The following DAB2IP variants were observed in gnomAD, a reference collection of about 807,000 sequenced individuals.
DAB2IP encodes DAB2 interacting protein.
In DAB2IP, 28 loss-of-function variants were observed where a neutral mutation model predicts 107.2. That is an observed-to-expected ratio of 0.26 (90% CI 0.19 to 0.36). The LOEUF is 0.36. DAB2IP is among the 10% of genes least tolerant of loss of function. The pLI is 1.00. For missense variants in DAB2IP, 1,400 were observed against 1,644.7 expected, an observed-to-expected ratio of 0.85 and a Z score of 2.57; for synonymous variants, 755 against 706.4, an observed-to-expected ratio of 1.07 and a Z score of -1.09.
chr9:121,742,910 C>A lies in DAB2IP; in HGVS notation c.363-14103C>A, dbSNP rs570649103. The A allele has an allele frequency of 6.7e-5, 66 of 985,500 alleles. No homozygotes were observed. The African/African-American group carries it at 7.8e-4, about 12-fold the overall frequency. The allele number at this position is 985,500 out of a possible 1,614,324, so 61.0% of individuals were successfully genotyped here. A position where few individuals can be genotyped will look rare whatever the true frequency, so the allele number is the denominator to read the frequency against. On this transcript the variant is annotated intron_variant, in intron 3 of 15. Coordinates refer to ENST00000408936, the Ensembl canonical transcript of DAB2IP. Reference sequence around the variant, plus strand: ...TCAAACTGAAAGCCTGGTGGTGGGGCACCTGTGACAGGTGAGACTCCTCAT... The same window carrying A: ...TCAAACTGAAAGCCTGGTGGTGGGGAACCTGTGACAGGTGAGACTCCTCAT...
At chr9:121,655,008 A>G (rs532943526) in intron 1 of DAB2IP, among the ~76,000 whole-genome samples, 47 of 152,168 alleles carry the variant, frequency 3.1e-4, no homozygotes, top group Non-Finnish European at 5.7e-4. Context: ...AGTGAGGGAC[A>G]GTATCTGCAG....
chr9:121,713,577 G>A (rs1196589956), intron 3 of DAB2IP, among the ~76,000 whole-genome samples: 1 of 152,212 alleles, frequency 6.6e-6, no homozygotes, highest in South Asian at 2.1e-4. Flanking sequence ...ACTTTGGCCA[G>A]TAGTGGTGGT....
At position 121,684,950 on chromosome 9, in the gene DAB2IP, C is replaced by T. The variant is rs913716676; in HGVS notation, c.228+6169C>T. 5.3e-5 allele frequency among the ~76,000 whole-genome samples: 8 copies of T among 152,314 alleles called. No individual in the cohort carries two copies. The highest frequency in any genetic ancestry group is 3.4e-3 in the Middle Eastern group (1 of 294). On this transcript the variant is annotated intron_variant, in intron 2 of 15. Coordinates refer to ENST00000408936, the Ensembl canonical transcript of DAB2IP. The surrounding 1 kb of genome is among the most constrained non-coding windows in gnomAD (Gnocchi z 4.0). ...TCAACCAGTGGAGGGATGTCAGCCA[C>T]GTGGTCCTGGCTGTAACAGGGCGGT... is the stretch of plus-strand genomic sequence containing the variant.
At chr9:121,761,584 T>A (rs1469973010) in intron 6 of DAB2IP, among the ~76,000 whole-genome samples, 1 of 152,112 alleles carries the variant, frequency 6.6e-6, no homozygotes, top group Non-Finnish European at 1.5e-5. Context: ...GCAGCCCCCC[T>A]CCCTCTTGCA....
chr9:121,619,282 G>T (rs4240469), intron 1 of DAB2IP, among the ~76,000 whole-genome samples: 63,601 of 152,010 alleles, frequency 0.42, 14,717 homozygotes, highest in East Asian at 0.95. Flanking sequence ...GAGTAGCTGG[G>T]ACTGCAGGTA....
At chr9:121,611,038 C>T (rs1831074515) in intron 1 of DAB2IP, among the ~76,000 whole-genome samples, 1 of 152,102 alleles carries the variant, frequency 6.6e-6, no homozygotes, top group Admixed American at 6.6e-5. Context: ...GTGAGTGGTG[C>T]AATCTTGGCT....
At chr9:121,678,866 C>A (rs896823424) in intron 2 of DAB2IP, 85 bp downstream of exon 2, 1 of 1,275,846 alleles carries the variant, frequency 7.8e-7, no homozygotes, top group Non-Finnish European at 1.0e-6. Context: ...CCCACGGCCC[C>A]CCTTCCTGGA....
Position 121,782,429 on chromosome 9 carries a change from C to T in DAB2IP, c.3501C>T (p.Ile1167=). 6.2e-7 allele frequency: 1 copy of T among 1,614,156 alleles called. No individual in the cohort carries two copies. Among genetic ancestry groups the T allele is most frequent in the African/African-American group, 1.3e-5 (1 of 75,060 alleles). Residue 1167 remains isoleucine (I), a synonymous_variant, in exon 16 of 16, where the codon ATC becomes ATT. Coordinates refer to ENST00000408936, the Ensembl canonical transcript of DAB2IP. This position sits in a 1 kb window ranked among gnomAD's most constrained non-coding sequence, Gnocchi z 6.1. Reference sequence around the variant, plus strand: ...ACAGCATGCAAGCCCGTAACGGCATCTCCCCCACCAACCCCACCAAATTGC... The same window carrying T: ...ACAGCATGCAAGCCCGTAACGGCATTTCCCCCACCAACCCCACCAAATTGC...
In DAB2IP at chr9:121,698,691, C is replaced by T. The variant is rs1829557861; in HGVS notation, c.229-634C>T. ...ACTGCCGCTCTGGGAAGGAAAGTCG[C>T]CCGGAATCGGGGTCTAAGTGGCCAG... On this transcript the variant is annotated intron_variant, in intron 2 of 15. Coordinates refer to ENST00000408936, the Ensembl canonical transcript of DAB2IP. The surrounding 1 kb of genome is among the most constrained non-coding windows in gnomAD (Gnocchi z 4.1). Among the ~76,000 whole-genome samples, 1 of 152,208 alleles carries T rather than the reference C, an allele frequency of 6.6e-6. No homozygotes were observed. The highest frequency in any genetic ancestry group is 6.5e-5 in the Admixed American group (1 of 15,284).
At chr9:121,770,775 C>T in intron 11 of DAB2IP, 51 bp downstream of exon 11, 1 of 1,591,528 alleles carries the variant, frequency 6.3e-7, no homozygotes, top group Non-Finnish European at 8.6e-7. Context: ...GCAGACTAGG[C>T]ACAGCCCATC....
At chr9:121,641,967 TCTC>T (rs1832328581) in intron 1 of DAB2IP, among the ~76,000 whole-genome samples, 5 of 135,834 alleles carry the variant, frequency 3.7e-5, no homozygotes, top group Non-Finnish European at 7.9e-5. Context: ...TCTTTCTCTC[TCTC>T]TCTTTCTTTC....
exon 4 of DAB2IP, chr9:121,757,036 A>C (rs1833548247): frequency 1.2e-6 from 2 of 1,614,152 alleles, no homozygotes; most frequent in Non-Finnish European, 8.5e-7. Flanking sequence ...CCGAGGCTGA[A>C]GGAGTCTCGC....
At chr9:121,592,384 A>G (rs1830436299) in intron 1 of DAB2IP, among the ~76,000 whole-genome samples, 1 of 152,120 alleles carries the variant, frequency 6.6e-6, no homozygotes, top group South Asian at 2.1e-4. Context: ...AAAAGAAAAA[A>G]GAAAAATGGC....
upstream of DAB2IP, among the ~76,000 whole-genome samples, chr9:121,648,035 A>G: frequency 6.6e-6 from 1 of 152,082 alleles, no homozygotes; most frequent in Non-Finnish European, 1.5e-5. Flanking sequence ...CTCACTCATA[A>G]GTGGGAGCTA....
At chr9:121,652,130 A>AGG (rs1832769399) in intron 1 of DAB2IP, among the ~76,000 whole-genome samples, 1 of 151,996 alleles carries the variant, frequency 6.6e-6, no homozygotes, top group Non-Finnish European at 1.5e-5. Context: ...GGACAGGGAG[A>AGG]GGGGAGCCTG....
At chr9:121,576,632 A>G (rs1302860284) in intron 1 of DAB2IP, among the ~76,000 whole-genome samples, 1 of 152,162 alleles carries the variant, frequency 6.6e-6, no homozygotes, top group Non-Finnish European at 1.5e-5. Context: ...GCCACAGTGA[A>G]AACTTGGAGG....
intron 3 of DAB2IP, among the ~76,000 whole-genome samples, chr9:121,750,262 C>T (rs1833011053): frequency 6.6e-6 from 1 of 152,220 alleles, no homozygotes; most frequent in Non-Finnish European, 1.5e-5. Context: ...TGACACTAGG[C>T]CCTCTGTCCT....
At chr9:121,709,261 C>CT (rs1296838946) in intron 3 of DAB2IP, among the ~76,000 whole-genome samples, 1 of 152,170 alleles carries the variant, frequency 6.6e-6, no homozygotes, top group Non-Finnish European at 1.5e-5. Flanking sequence ...CATGAAGCCC[C>CT]TGGAGCTGCT....
At chr9:121,587,494 G>C (rs1298992689) in intron 1 of DAB2IP, among the ~76,000 whole-genome samples, 1 of 151,990 alleles carries the variant, frequency 6.6e-6, no homozygotes, top group Admixed American at 6.6e-5. Flanking sequence ...TGTAGTTCCA[G>C]CTACTTGGGA....
Sources: gnomAD v4.1 joint callset for allele counts (sites outside exome capture counted in the v4.1 genomes callset) on GRCh38, gnomAD v4.1.1 for gene constraint, Gnocchi (gnomAD v3.1) non-coding constraint, MANE v1.5 for transcripts, NCBI Gene and HGNC (gene_info 2026-07-23, HGNC 2026-07-21) for gene names.